Variants in SIRT1 observed in about 807,000 individuals in gnomAD.
SIRT1 encodes the protein sirtuin 1, also known as NAD-dependent protein deacetylase sirtuin-1.
A neutral mutation model predicts 67.9 loss-of-function variants in SIRT1; 24 were observed. The ratio of observed to expected loss-of-function variants is 0.35; its 90% CI spans 0.26 to 0.50. The LOEUF is 0.50. Ranked by LOEUF, SIRT1 falls within the 20% of genes least tolerant of loss-of-function variation. SIRT1 has a pLI of 0.98. For synonymous variants in SIRT1, 378 were observed against 350.7 expected, an observed-to-expected ratio of 1.08 and a Z score of -0.87; for missense variants, 873 against 937.2, an observed-to-expected ratio of 0.93 and a Z score of 0.89.
intron 4 of SIRT1, among the ~76,000 whole-genome samples, chr10:67,905,226 ATC>A (rs532650633): frequency 2.2e-3 from 339 of 152,366 alleles, no homozygotes; most frequent in African/African-American, 7.9e-3. Context: ...ACAATGCTTA[ATC>A]TCTCAAATGT....
In SIRT1 at chr10:67,887,406, T is replaced by G; in HGVS notation, c.431-11T>G. ...TTTTGATAGCCTTGACTGACTTGGTTTCTTTTGCAGATAACCTTCTGTTCG... is the reference window on the plus strand; with the variant it reads ...TTTTGATAGCCTTGACTGACTTGGTGTCTTTTGCAGATAACCTTCTGTTCG... On this transcript the variant is annotated splice_polypyrimidine_tract_variant and intron_variant, in intron 1 of 8. Coordinates refer to ENST00000212015, the MANE Select transcript of SIRT1 (RefSeq NM_012238.5). 1.3e-6 allele frequency: 2 copies of G among 1,588,904 alleles called. No individual in the cohort carries two copies. The highest frequency in any genetic ancestry group is 1.7e-6 in the Non-Finnish European group (2 of 1,157,616).
At chr10:67,897,645 A>G (rs1842678935) in intron 4 of SIRT1, among the ~76,000 whole-genome samples, 2 of 151,894 alleles carry the variant, frequency 1.3e-5, no homozygotes, top group Non-Finnish European at 2.9e-5. Flanking sequence ...TACAGGCATG[A>G]GCCACTGTGC....
At chr10:67,887,123 C>T (rs994070037) in intron 1 of SIRT1, among the ~76,000 whole-genome samples, 2 of 152,158 alleles carry the variant, frequency 1.3e-5, no homozygotes, top group Non-Finnish European at 2.9e-5. Flanking sequence ...CCGCCTGCCT[C>T]GGCCTCCCAA....
rs75150039 is a variant in SIRT1 at position 67,888,724 on chromosome 10, G to A, written c.548-158G>A. Among the ~76,000 whole-genome samples the A allele has an allele frequency of 5.9e-5, 9 of 152,160 alleles. No individual in the cohort carries two copies. The East Asian group carries it at 1.3e-3, about 23-fold the overall frequency. ...ATCTTCCTAATCTCATTGGGATATA[G>A]CATTAATTCTGAGTGTACCGAGAAT... On this transcript the variant is annotated intron_variant, in intron 2 of 8. Coordinates refer to ENST00000212015, the MANE Select transcript of SIRT1 (RefSeq NM_012238.5).
intron 4 of SIRT1, among the ~76,000 whole-genome samples, chr10:67,894,126 A>G (rs981906317): frequency 2.6e-5 from 4 of 152,130 alleles, no homozygotes; most frequent in Non-Finnish European, 5.9e-5. Flanking sequence ...CCTCCACCCC[A>G]TGTAACTTTT....
At position 67,892,120 on chromosome 10, in the gene SIRT1, G is replaced by A. The variant is rs147146987; in HGVS notation, c.942+566G>A. Among the ~76,000 whole-genome samples the A allele has an allele frequency of 8.1e-3, 1,234 of 152,200 alleles. 19 individuals are homozygous for A. Among genetic ancestry groups the A allele is most frequent in the African/African-American group, 0.029 (1,189 of 41,544 alleles). ...TGTATTGATATGTGCAATAAGTGTAGAAGACATATTGGATTTTAGAGATCC... is the reference window on the plus strand; with the variant it reads ...TGTATTGATATGTGCAATAAGTGTAAAAGACATATTGGATTTTAGAGATCC... On this transcript the variant is annotated intron_variant, in intron 4 of 8. Coordinates refer to ENST00000212015, the MANE Select transcript of SIRT1 (RefSeq NM_012238.5).
At chr10:67,909,965 G>A (rs1842874565) in intron 7 of SIRT1, among the ~76,000 whole-genome samples, 1 of 152,094 alleles carries the variant, frequency 6.6e-6, no homozygotes. Flanking sequence ...TCCTGCCTCA[G>A]CCCCTTGAGT....
intron 8 of SIRT1, among the ~76,000 whole-genome samples, chr10:67,913,677 A>G (rs1370380403): frequency 1.3e-5 from 2 of 152,020 alleles, no homozygotes; most frequent in Non-Finnish European, 2.9e-5. Context: ...TTGGAAGCCG[A>G]TGTTTTAAGT....
intron 4 of SIRT1, among the ~76,000 whole-genome samples, chr10:67,892,668 C>G (rs1842592370): frequency 1.3e-5 from 2 of 151,398 alleles, no homozygotes; most frequent in Admixed American, 6.6e-5. Context: ...ATGGCATGAT[C>G]TTGGCTCATA....
chr10:67,891,696 G>T, intron 4 of SIRT1, 142 bp downstream of exon 4: 1 of 784,778 alleles, frequency 1.3e-6, no homozygotes, highest in South Asian at 2.0e-5. Context: ...ACTCATTATG[G>T]CTAGAATTCC....
Position 67,916,456 on chromosome 10 carries a change from G to A in SIRT1, c.2107G>A (p.Glu703Lys). 6.2e-7 allele frequency: 1 copy of A among 1,614,186 alleles called. No individual in the cohort carries two copies. Among genetic ancestry groups the A allele is most frequent in the Non-Finnish European group, 8.5e-7 (1 of 1,180,020 alleles). Residue 703 changes from glutamate to lysine, a missense_variant, in exon 9 of 9, where the codon GAA becomes AAA. Transcript: ENST00000212015. Reference protein sequence around the residue: ...SEIEEFYNGLEDEPDVPERAG... With the variant: ...SEIEEFYNGLKDEPDVPERAG... ...AATTGAAGAATTCTACAATGGCTTAGAAGATGAGCCTGATGTTCCAGAGAG... is the reference window on the plus strand; with the variant it reads ...AATTGAAGAATTCTACAATGGCTTAAAAGATGAGCCTGATGTTCCAGAGAG...
In SIRT1 at chr10:67,916,643, T is replaced by C. The variant is rs201389290; in HGVS notation, c.*50T>C. ...ATTGTTCCACCAGCATTAGGAACTT[T>C]AGCATGTCAAAATGAATGTTTACTT... On this transcript the variant is annotated 3_prime_UTR_variant, in exon 9 of 9. Transcript: ENST00000212015. The C allele has an allele frequency of 1.0e-5, 15 of 1,468,860 alleles. No homozygotes were observed. The highest frequency in any genetic ancestry group is 4.6e-5 in the East Asian group (2 of 43,038). 91.0% of individuals were successfully genotyped at this position (1,468,860 alleles called of 1,614,324 possible).
At chr10:67,893,371 C>G (rs1238227326) in intron 4 of SIRT1, among the ~76,000 whole-genome samples, 5 of 152,122 alleles carry the variant, frequency 3.3e-5, no homozygotes, top group African/African-American at 7.2e-5. Flanking sequence ...TTGTTCAACT[C>G]TCACTTATGA....
chr10:67,916,276 C>T lies in SIRT1; in HGVS notation c.1927C>T (p.Leu643=), dbSNP rs751212678. ...TTACTGTATTTCAGGTAATCAGTAT[C>T]TGTTTTTGCCACCAAATCGTTACAT... is the stretch of plus-strand genomic sequence containing the variant. ...ISRRLDGNQY[L]FLPPNRYIFH... is the part of the protein sequence containing the mutation. Residue 643 remains leucine, a synonymous_variant, in exon 9 of 9, where the codon CTG becomes TTG. Transcript: ENST00000212015. The T allele has an allele frequency of 7.5e-6, 12 of 1,597,488 alleles. No individual in the cohort carries two copies. In the African/African-American group the frequency reaches 1.5e-4, roughly 20 times the overall value.
In SIRT1 at chr10:67,916,286, C is replaced by T. The variant is rs918503045; in HGVS notation, c.1937C>T (p.Pro646Leu). Residue 646 changes from proline to leucine, a missense_variant, in exon 9 of 9, where the codon CCA (proline) becomes CTA (leucine). By Grantham distance (98) the Pro-to-Leu change is moderately conservative (BLOSUM62 -3). Coordinates refer to ENST00000212015, the MANE Select transcript of SIRT1 (RefSeq NM_012238.5). ...RLDGNQYLFL[P>L]PNRYIFHGAE... is the part of the protein sequence containing the mutation. ...TCAGGTAATCAGTATCTGTTTTTGC[C>T]ACCAAATCGTTACATTTTCCATGGC... 1.3e-6 allele frequency: 2 copies of T among 1,596,762 alleles called. No individual in the cohort carries two copies. Among genetic ancestry groups the T allele is most frequent in the Non-Finnish European group, 1.7e-6 (2 of 1,166,902 alleles).
chr10:67,905,797 C>A (rs1192812838), intron 4 of SIRT1, among the ~76,000 whole-genome samples: 1 of 152,094 alleles, frequency 6.6e-6, no homozygotes, highest in Non-Finnish European at 1.5e-5. Context: ...GCTTTTTTCA[C>A]GTATGTCATG....
intron 8 of SIRT1, among the ~76,000 whole-genome samples, chr10:67,914,633 A>G (rs1325673537): frequency 6.6e-6 from 1 of 152,208 alleles, no homozygotes; most frequent in African/African-American, 2.4e-5. Context: ...CTTGAATGTC[A>G]TTTTGACAGA....
At chr10:67,901,449 C>T (rs968470953) in intron 4 of SIRT1, among the ~76,000 whole-genome samples, 1 of 152,122 alleles carries the variant, frequency 6.6e-6, no homozygotes, top group Non-Finnish European at 1.5e-5. Context: ...TCATCTGCAT[C>T]GGGGTATATG....
chr10:67,908,978 A>T (rs556190553), intron 6 of SIRT1, among the ~76,000 whole-genome samples: 2 of 152,156 alleles, frequency 1.3e-5, no homozygotes, highest in African/African-American at 4.8e-5. Context: ...TTTAGTGTAT[A>T]TACACACATT....
Sources: allele counts gnomAD v4.1 joint callset (sites outside exome capture counted in the v4.1 genomes callset), GRCh38; gene constraint gnomAD v4.1.1; transcripts MANE v1.5; gene names NCBI Gene and HGNC (gene_info 2026-07-23, HGNC 2026-07-21).